Variants in ZNF560 observed in about 807,000 individuals in gnomAD.
ZNF560 encodes zinc finger protein 560.
Under a neutral mutation model 81.8 loss-of-function variants are expected in ZNF560, and 54 were observed. That is an observed-to-expected ratio of 0.66 (90% confidence interval 0.53 to 0.83). ZNF560 has a LOEUF of 0.83. Among genes scored for constraint, ZNF560 ranks in the 40% least tolerant of loss-of-function variants. The pLI is 0.00. For missense variants in ZNF560, 940 were observed against 932.4 expected (o/e 1.01, Z -0.11); for synonymous variants, 321 against 317.9 (o/e 1.01, Z -0.10).
upstream of ZNF560, among the ~76,000 whole-genome samples, chr19:9,502,135 CAG>C (rs949243995): frequency 1.3e-5 from 2 of 150,696 alleles, no homozygotes; most frequent in African/African-American, 4.9e-5. Flanking sequence ...GCCTGGGTGA[CAG>C]AGCAAGATCT....
chr19:9,476,291 T>G (rs541266210), intron 2 of ZNF560, among the ~76,000 whole-genome samples: 7 of 152,046 alleles, frequency 4.6e-5, no homozygotes, highest in South Asian at 2.1e-4. Flanking sequence ...GTGGGTTTTT[T>G]TTTGTTTGTT....
the ZNF560 span, among the ~76,000 whole-genome samples, chr19:9,459,417 T>C: frequency 6.6e-6 from 1 of 152,178 alleles, no homozygotes; most frequent in Non-Finnish European, 1.5e-5. Flanking sequence ...GCAGAGGTTA[T>C]GCTTGTGTTT....
At chr19:9,465,233 C>T (rs193189479), downstream of ZNF560, among the ~76,000 whole-genome samples, 20 of 150,138 alleles carry the variant, frequency 1.3e-4, no homozygotes, top group African/African-American at 3.4e-4. Context: ...CTGGTTGAAG[C>T]GACTCTCCTG....
intron 4 of ZNF560, among the ~76,000 whole-genome samples, chr19:9,473,592 T>A (rs967723048): frequency 2.0e-5 from 3 of 150,704 alleles, no homozygotes; most frequent in Non-Finnish European, 4.4e-5. Context: ...AAAAAAAAAA[T>A]AATGGAAGAG....
In ZNF560 at chr19:9,485,072, TGAA is replaced by T. The variant is rs148327697; in HGVS notation, c.-56-9706_-56-9704del. On this transcript the variant is annotated intron_variant, in intron 2 of 9. Transcript: ENST00000301480. The stretch of plus-strand genomic sequence containing the variant: ...GGAGAAAATCTGAACAGACCAATAA[TGAA>T]GAAGGAGACCAAATCACTAACTAAA... Among the ~76,000 whole-genome samples the T allele has an allele frequency of 7.1e-3, 1,074 of 152,212 alleles. 12 individuals are homozygous for T. Among genetic ancestry groups the T allele is most frequent in the African/African-American group, 0.024 (1,011 of 41,530 alleles).
intron 8 of ZNF560, 46 bp downstream of exon 8, chr19:9,469,584 A>C: frequency 6.4e-7 from 1 of 1,552,488 alleles, no homozygotes; most frequent in African/African-American, 1.4e-5. Context: ...TTCCAAACGT[A>C]CTGAGAACTT....
chr19:9,490,792 A>G (rs73020159), intron 2 of ZNF560, among the ~76,000 whole-genome samples: 15,041 of 152,240 alleles, frequency 0.099, 891 homozygotes, highest in South Asian at 0.2. Context: ...CAAAAACCTG[A>G]TAAGAGTCAC....
chr19:9,487,284 C>G lies in ZNF560; in HGVS notation c.-57+10844G>C, dbSNP rs76031393. ...GTCTGAGTACTAGTTCTTCTCAGCA[C>G]AGAGGAACAAGCATTTCTAAAGGAA... On this transcript the variant is annotated intron_variant, in intron 2 of 9. Coordinates refer to ENST00000301480, the MANE Select transcript of ZNF560 (RefSeq NM_152476.3). 9.9e-4 allele frequency among the ~76,000 whole-genome samples: 151 copies of G among 152,300 alleles called. 4 individuals are homozygous for G. In the East Asian group the frequency reaches 0.028, roughly 28 times the overall value.
intron 2 of ZNF560, among the ~76,000 whole-genome samples, chr19:9,490,114 T>A (rs2073448088): frequency 6.6e-6 from 1 of 152,210 alleles, no homozygotes; most frequent in Non-Finnish European, 1.5e-5. Context: ...AAGGTTGCAC[T>A]GAATTTATCA....
At chr19:9,501,733 A>G (rs557475147), upstream of ZNF560, among the ~76,000 whole-genome samples, 29 of 151,874 alleles carry the variant, frequency 1.9e-4, no homozygotes, top group Non-Finnish European at 3.8e-4. Flanking sequence ...TCCTAAGCTC[A>G]AGCAATCTGA....
In ZNF560 at chr19:9,469,127, T is replaced by C; in HGVS notation, c.590A>G (p.Lys197Arg). The C allele has an allele frequency of 6.3e-7, 1 of 1,595,094 alleles. No homozygotes were observed. Among genetic ancestry groups the C allele is most frequent in the East Asian group, 2.2e-5 (1 of 44,688 alleles). The stretch of plus-strand genomic sequence containing the variant: ...TACCAACTGTATCCCATTTAATGTT[T>C]TTAAACAAAAATTATCTTGCCAAAG... Reference protein sequence around the residue: ...PALWQDNFCLKTLNGIQLARN... With the variant: ...PALWQDNFCLRTLNGIQLARN... The change falls in exon 9 of 10, where the codon AAA becomes AGA. Residue 197 changes from lysine to arginine, a missense_variant. Transcript: ENST00000301480.
At chr19:9,464,287 A>G (rs150066850), downstream of ZNF560, among the ~76,000 whole-genome samples, 198 of 152,322 alleles carry the variant, frequency 1.3e-3, no homozygotes, top group African/African-American at 4.6e-3. Flanking sequence ...CCCCAGAAAT[A>G]GGTCATACTG....
chr19:9,457,690 TCAC>T, the ZNF560 span, among the ~76,000 whole-genome samples: 3 of 152,198 alleles, frequency 2.0e-5, no homozygotes, highest in Non-Finnish European at 2.9e-5. Flanking sequence ...TTAGTAAATG[TCAC>T]CACAATAATG....
chr19:9,499,342 GTAT>G (rs919619800), upstream of ZNF560, among the ~76,000 whole-genome samples: 1 of 151,538 alleles, frequency 6.6e-6, no homozygotes, highest in Non-Finnish European at 1.5e-5. Flanking sequence ...GCTAATTTTT[GTAT>G]TATTATTATT....
At chr19:9,488,618 C>A (rs962664784) in intron 2 of ZNF560, among the ~76,000 whole-genome samples, 5 of 149,642 alleles carry the variant, frequency 3.3e-5, no homozygotes, top group Non-Finnish European at 5.9e-5. Context: ...GCTCACACAA[C>A]AAAAAAATTC....
Position 9,466,827 on chromosome 19 carries a change from G to C in ZNF560, c.2120C>G (p.Thr707Ser), listed in dbSNP as rs538535192. ...MCFHDRLKTL[T>S]KIKPYKCKDC... ...CTTACATTTATAGGGTTTTATTTTG[G>C]TGAGAGTTTTTAAGCGATCATGAAA... The change falls in exon 10 of 10, where the codon ACC becomes AGC. Residue 707 changes from threonine to serine, a missense_variant. By Grantham distance (58) the Thr-to-Ser change is moderately conservative (BLOSUM62 1). Coordinates refer to ENST00000301480, the MANE Select transcript of ZNF560 (RefSeq NM_152476.3). The C allele has an allele frequency of 9.3e-6, 15 of 1,614,128 alleles. No individual in the cohort carries two copies. In the African/African-American group the frequency reaches 2.0e-4, roughly 22 times the overall value.
the ZNF560 span, among the ~76,000 whole-genome samples, chr19:9,447,115 C>G: frequency 7.9e-6 from 1 of 126,482 alleles, no homozygotes; most frequent in Non-Finnish European, 1.6e-5. Context: ...GCCAGGGCAA[C>G]AGAGCGAGAC....
At chr19:9,473,694 ATC>A (rs1377877384) in intron 4 of ZNF560, among the ~76,000 whole-genome samples, 2 of 151,290 alleles carry the variant, frequency 1.3e-5, no homozygotes, top group Admixed American at 1.3e-4. Flanking sequence ...AACTGAAAAT[ATC>A]TCTTATTTCT....
At chr19:9,449,763 G>GT in the ZNF560 span, among the ~76,000 whole-genome samples, 4 of 151,878 alleles carry the variant, frequency 2.6e-5, no homozygotes, top group Non-Finnish European at 5.9e-5. Context: ...GAGGTGAGGA[G>GT]TTCGAGACCA....
Sources: allele counts gnomAD v4.1 joint callset (sites outside exome capture counted in the v4.1 genomes callset), GRCh38; gene constraint gnomAD v4.1.1; transcripts MANE v1.5; gene names NCBI Gene and HGNC (gene_info 2026-07-23, HGNC 2026-07-21).